TMEM263: variants seen among roughly 807,000 people sequenced by gnomAD.
The protein encoded by TMEM263 is UPF0444 transmembrane protein C12orf23.
Under a neutral mutation model 8.6 loss-of-function variants are expected in TMEM263, and 5 were observed. The observed-to-expected ratio is 0.58, with a 90% CI of 0.31 to 1.23. The LOEUF (loss-of-function observed/expected upper bound fraction) is 1.23. Ranked by LOEUF, TMEM263 falls within the 50% of genes most tolerant of loss-of-function variation. The pLI is 0.07. For synonymous variants in TMEM263, 50 were observed against 47.9 expected (o/e 1.04, Z -0.18); for missense variants, 104 against 138.8 (o/e 0.75, Z 1.26).
intron 2 of TMEM263, among the ~76,000 whole-genome samples, chr12:106,964,956 T>C (rs945343035): frequency 6.6e-6 from 1 of 152,222 alleles, no homozygotes; most frequent in Non-Finnish European, 1.5e-5. Context: ...TTGTATTCCC[T>C]ACAGCAGCCA....
chr12:106,963,938 C>T (rs188273948), intron 2 of TMEM263, among the ~76,000 whole-genome samples: 26 of 152,148 alleles, frequency 1.7e-4, no homozygotes, highest in Admixed American at 5.9e-4. Flanking sequence ...TTTTAAACTC[C>T]AGTTAAAATA....
intron 3 of TMEM263, among the ~76,000 whole-genome samples, chr12:106,970,593 A>C (rs1951906818): frequency 6.6e-6 from 1 of 152,238 alleles, no homozygotes; most frequent in South Asian, 2.1e-4. Context: ...TATTTTAATA[A>C]TATTATGAAA....
chr12:106,963,648 A>G (rs889107536), intron 2 of TMEM263, among the ~76,000 whole-genome samples: 1 of 152,204 alleles, frequency 6.6e-6, no homozygotes, highest in African/African-American at 2.4e-5. Flanking sequence ...CAGATATGAC[A>G]GTATAACTCT....
At chr12:106,959,402 C>G (rs1951739875) in intron 2 of TMEM263, 1 of 152,082 alleles carries the variant, frequency 6.6e-6, no homozygotes, top group Admixed American at 6.6e-5. Flanking sequence ...GCCACCACAC[C>G]CTGCTGATTT....
rs745675705 is a variant in TMEM263 at position 106,956,273 on chromosome 12, T to C, written c.-75+208T>C. Among the ~76,000 whole-genome samples the C allele has an allele frequency of 2.0e-5, 3 of 152,184 alleles. No homozygotes were observed. In the East Asian group the frequency reaches 5.8e-4, roughly 29 times the overall value. On this transcript the variant is annotated intron_variant, in intron 1 of 3. Coordinates refer to ENST00000280756, the MANE Select transcript of TMEM263 (RefSeq NM_152261.4). ...GTTCGCTTCTGGGGCTACTCCTCCT[T>C]ATACGTCGCTGACTGCCCCGCCGCG...
intron 1 of TMEM263, among the ~76,000 whole-genome samples, 180 bp downstream of exon 1, chr12:106,956,245 G>A (rs1054367269): frequency 6.6e-6 from 1 of 152,216 alleles, no homozygotes; most frequent in Non-Finnish European, 1.5e-5. Flanking sequence ...GGGGCGGATG[G>A]AGGTTCGCTT....
chr12:106,965,138 T>C (rs142528606), intron 2 of TMEM263, among the ~76,000 whole-genome samples: 3 of 152,298 alleles, frequency 2.0e-5, no homozygotes, highest in Non-Finnish European at 4.4e-5. Context: ...TGCCACACTT[T>C]ACTGGCTGTT....
intron 3 of TMEM263, among the ~76,000 whole-genome samples, chr12:106,967,858 T>G (rs1951866542): frequency 6.6e-6 from 1 of 152,244 alleles, no homozygotes; most frequent in African/African-American, 2.4e-5. Context: ...GCATTAGAGA[T>G]CTGTTGTTAA....
At chr12:106,960,761 C>T (rs1951762663) in intron 2 of TMEM263, among the ~76,000 whole-genome samples, 1 of 152,048 alleles carries the variant, frequency 6.6e-6, no homozygotes, top group East Asian at 1.9e-4. Flanking sequence ...TTTCATTTCA[C>T]TTTTTACTGT....
At chr12:106,960,869 G>A (rs1383099138) in intron 2 of TMEM263, among the ~76,000 whole-genome samples, 2 of 152,154 alleles carry the variant, frequency 1.3e-5, no homozygotes, top group East Asian at 1.9e-4. Flanking sequence ...GCACACCACT[G>A]CCTATGTTTA....
At chr12:106,969,039 A>T (rs1221337976) in intron 3 of TMEM263, among the ~76,000 whole-genome samples, 1 of 152,190 alleles carries the variant, frequency 6.6e-6, no homozygotes, top group African/African-American at 2.4e-5. Flanking sequence ...TTGGTTTTTA[A>T]AGTTTATAGC....
At chr12:106,968,707 G>C (rs996564535) in intron 3 of TMEM263, among the ~76,000 whole-genome samples, 5 of 152,152 alleles carry the variant, frequency 3.3e-5, no homozygotes, top group African/African-American at 1.2e-4. Flanking sequence ...AAAGAGATCA[G>C]CTGCATTAAT....
chr12:106,966,445 A>G (rs1232881384), intron 2 of TMEM263, among the ~76,000 whole-genome samples: 1 of 152,230 alleles, frequency 6.6e-6, no homozygotes, highest in Admixed American at 6.5e-5. Context: ...TACTGTGATG[A>G]ACATAACACG....
intron 3 of TMEM263, among the ~76,000 whole-genome samples, chr12:106,968,685 T>C (rs906089931): frequency 1.3e-5 from 2 of 152,096 alleles, no homozygotes; most frequent in Non-Finnish European, 2.9e-5. Context: ...TAATTAAGAG[T>C]ATACTGTAAT....
chr12:106,970,760 T>G (rs527930444), intron 3 of TMEM263, among the ~76,000 whole-genome samples: 1 of 152,378 alleles, frequency 6.6e-6, no homozygotes, highest in African/African-American at 2.4e-5. Flanking sequence ...AGTTATCTTT[T>G]TATTTTTTCA....
chr12:106,961,132 G>A (rs1951769950), intron 2 of TMEM263, among the ~76,000 whole-genome samples: 1 of 150,982 alleles, frequency 6.6e-6, no homozygotes, highest in Non-Finnish European at 1.5e-5. Flanking sequence ...ATGGCTCACT[G>A]CAGCTGCTTT....
Position 106,971,197 on chromosome 12 carries a change from A to G in TMEM263, c.157A>G (p.Thr53Ala). 5 of 1,614,198 alleles carry G rather than the reference A, an allele frequency of 3.1e-6. No homozygotes were observed. Among genetic ancestry groups the G allele is most frequent in the Non-Finnish European group, 4.2e-6 (5 of 1,180,038 alleles). ...FSVTKGAVGATIGGVAWIGGK... is the reference protein window; with the variant it reads ...FSVTKGAVGAAIGGVAWIGGK... The stretch of plus-strand genomic sequence containing the variant: ...TGTTACAAAGGGAGCTGTTGGTGCC[A>G]CCATTGGTGGTGTGGCTTGGATTGG... The change falls in exon 4 of 4, where the codon ACC becomes GCC. Residue 53 changes from threonine to alanine, a missense_variant. By Grantham distance (58) the Thr-to-Ala change is moderately conservative. Coordinates refer to ENST00000280756, the MANE Select transcript of TMEM263 (RefSeq NM_152261.4).
intron 3 of TMEM263, 151 bp from the exon 4 acceptor site, chr12:106,970,954 A>C: frequency 5.9e-6 from 4 of 677,208 alleles, no homozygotes; most frequent in African/African-American, 1.8e-5. Context: ...CCCTGAAGGA[A>C]GAGCTCTTCA....
chr12:106,972,645 G>A lies in TMEM263; in HGVS notation c.*1254G>A, dbSNP rs1275544234. The A allele has an allele frequency of 6.6e-6, 1 of 152,048 alleles. No homozygotes were observed. Among genetic ancestry groups the A allele is most frequent in the Non-Finnish European group, 1.5e-5 (1 of 67,948 alleles). The allele number at this position is 152,048 out of a possible 1,614,324, so 9.4% of individuals were successfully genotyped here. A position where few individuals can be genotyped will look rare whatever the true frequency, so the allele number is the denominator to read the frequency against. On this transcript the variant is annotated 3_prime_UTR_variant, in exon 4 of 4. Coordinates refer to ENST00000280756, the MANE Select transcript of TMEM263 (RefSeq NM_152261.4). ...AATTGTTTGATTATGGATGATAAAT[G>A]TGTCATATCTTATTAATATGTCTCA...
Sources: allele counts gnomAD v4.1 joint callset (sites outside exome capture counted in the v4.1 genomes callset), GRCh38; gene constraint gnomAD v4.1.1; transcripts MANE v1.5; gene names NCBI Gene and HGNC (gene_info 2026-07-23, HGNC 2026-07-21).